The following EDARADD variants were observed in gnomAD, a reference collection of about 807,000 sequenced individuals.
The protein encoded by EDARADD is ectodysplasin-A receptor-associated adapter protein.
In EDARADD, 20 loss-of-function variants were observed where a neutral mutation model predicts 25.6. The observed-to-expected ratio is 0.78, with a 90% confidence interval of 0.55 to 1.14. EDARADD has a LOEUF of 1.14. Ranked by LOEUF, EDARADD falls within the 50% of genes most tolerant of loss-of-function variation. EDARADD has a pLI of 0.00. For missense variants in EDARADD, 225 were observed against 270.1 expected (o/e 0.83, Z 1.17); for synonymous variants, 86 against 94.4 (o/e 0.91, Z 0.52).
intron 1 of EDARADD, among the ~76,000 whole-genome samples, chr1:236,397,343 G>A (rs1013202383): frequency 4.6e-5 from 7 of 152,194 alleles, no homozygotes; most frequent in Non-Finnish European, 1.5e-5. Flanking sequence ...CCAGGAGGTC[G>A]AGGCTGCAGT....
intron 2 of EDARADD, among the ~76,000 whole-genome samples, chr1:236,350,322 T>G (rs1317750902): frequency 6.6e-6 from 1 of 152,184 alleles, no homozygotes; most frequent in African/African-American, 2.4e-5. Flanking sequence ...ACCCATGTGA[T>G]GAGAATTTAT....
intron 2 of EDARADD, among the ~76,000 whole-genome samples, chr1:236,350,334 G>T (rs1253632475): frequency 1.3e-5 from 2 of 152,180 alleles, no homozygotes; most frequent in African/African-American, 2.4e-5. Context: ...AGAATTTATG[G>T]TTTGTAGGGC....
chr1:236,465,340 G>A (rs68188176), intron 4 of EDARADD, among the ~76,000 whole-genome samples: 2 of 151,952 alleles, frequency 1.3e-5, no homozygotes, highest in East Asian at 3.9e-4. Flanking sequence ...CCTTGGACAG[G>A]CCCCAGTGTA....
chr1:236,484,708 G>GAAA lies in EDARADD; in HGVS notation c.*2076_*2078dup, dbSNP rs11358746. The GAAA allele has an allele frequency of 3.2e-4, 48 of 148,818 alleles. No individual in the cohort carries two copies. Among genetic ancestry groups the GAAA allele is most frequent in the East Asian group, 8.1e-4 (4 of 4,962 alleles). 9.2% of individuals were successfully genotyped at this position (148,818 alleles called of 1,614,324 possible). ...GGAGACAGAGTGAGAGTCCGTCCCA[G>GAAA]AAAAAAAAAAAAAAAAAAAGAACTT... On this transcript the variant is annotated 3_prime_UTR_variant, in exon 6 of 6. Transcript: ENST00000334232. This position sits in a 1 kb window ranked among gnomAD's most constrained non-coding sequence, Gnocchi z 4.1.
chr1:236,428,736 C>T (rs550679569), intron 4 of EDARADD, among the ~76,000 whole-genome samples: 4 of 148,554 alleles, frequency 2.7e-5, no homozygotes, highest in Non-Finnish European at 3.0e-5. Flanking sequence ...GACGGGGTGG[C>T]GGCCGGGCAG....
chr1:236,392,313 C>G (rs1041385765), upstream of EDARADD, among the ~76,000 whole-genome samples: 2 of 152,086 alleles, frequency 1.3e-5, no homozygotes, highest in Admixed American at 6.6e-5. Context: ...TACTATATGA[C>G]AGGCCTTAGT....
intron 4 of EDARADD, among the ~76,000 whole-genome samples, chr1:236,429,241 G>A (rs191794275): frequency 9.3e-4 from 131 of 141,128 alleles, no homozygotes; most frequent in African/African-American, 3.4e-3. Context: ...TTTTTTTTGA[G>A]GCAGTCTCAC....
At chr1:236,419,757 G>A (rs1409721806) in intron 3 of EDARADD, among the ~76,000 whole-genome samples, 1 of 152,162 alleles carries the variant, frequency 6.6e-6, no homozygotes, top group Non-Finnish European at 1.5e-5. Context: ...CACACTTTTA[G>A]CTTCAGTTTC....
intron 4 of EDARADD, among the ~76,000 whole-genome samples, chr1:236,437,532 A>T (rs1176571764): frequency 6.6e-6 from 1 of 152,102 alleles, no homozygotes; most frequent in African/African-American, 2.4e-5. Flanking sequence ...GGGCTATTGC[A>T]GTCACCTAGG....
chr1:236,439,033 A>G (rs890197276), intron 4 of EDARADD, among the ~76,000 whole-genome samples: 1 of 152,222 alleles, frequency 6.6e-6, no homozygotes, highest in Non-Finnish European at 1.5e-5. Flanking sequence ...TTTCTGACCA[A>G]CAACTGACCT....
intron 3 of EDARADD, among the ~76,000 whole-genome samples, chr1:236,382,638 C>T (rs564458317): frequency 6.6e-6 from 1 of 152,318 alleles, no homozygotes; most frequent in Non-Finnish European, 1.5e-5. Context: ...GAATTTGAAA[C>T]TTCCAGGTCT....
intron 4 of EDARADD, among the ~76,000 whole-genome samples, chr1:236,454,889 G>T (rs1658813038): frequency 6.6e-6 from 1 of 152,186 alleles, no homozygotes; most frequent in African/African-American, 2.4e-5. Context: ...AACAAAACTG[G>T]GAGATGGAAG....
chr1:236,458,641 CT>C (rs5781887), intron 4 of EDARADD, among the ~76,000 whole-genome samples: 13,979 of 113,316 alleles, frequency 0.12, 386 homozygotes, highest in Non-Finnish European at 0.14. Flanking sequence ...TTTTCTTTTT[CT>C]TTTTTTTTTT....
intron 4 of EDARADD, among the ~76,000 whole-genome samples, chr1:236,459,810 C>T (rs1225185566): frequency 1.3e-5 from 2 of 151,932 alleles, no homozygotes; most frequent in African/African-American, 4.8e-5. Context: ...GACGGGGTTT[C>T]ACCATGTTAG....
At chr1:236,474,936 C>T (rs1327146588) in intron 5 of EDARADD, among the ~76,000 whole-genome samples, 2 of 152,132 alleles carry the variant, frequency 1.3e-5, no homozygotes, top group South Asian at 2.1e-4. Context: ...CGTTGGAGAC[C>T]AGCCTGGCTA....
At chr1:236,411,915 C>T (rs1400542227) in intron 2 of EDARADD, among the ~76,000 whole-genome samples, 3 of 152,178 alleles carry the variant, frequency 2.0e-5, no homozygotes, top group Non-Finnish European at 4.4e-5. Context: ...CATAACTTAA[C>T]TAATTACCTC....
Position 236,395,451 on chromosome 1 carries a change from C to G in EDARADD, c.61+946C>G, listed in dbSNP as rs532876611. 11 of 1,479,836 alleles carry G rather than the reference C, an allele frequency of 7.4e-6. No individual in the cohort carries two copies. In the Admixed American group the frequency reaches 1.3e-4, roughly 17 times the overall value. 91.7% of individuals were successfully genotyped at this position (1,479,836 alleles called of 1,614,324 possible). A position where few individuals can be genotyped will look rare whatever the true frequency, so the allele number is the denominator to read the frequency against. On this transcript the variant is annotated intron_variant, in intron 1 of 5. Transcript: ENST00000334232. This position sits in a 1 kb window ranked among gnomAD's most constrained non-coding sequence, Gnocchi z 6.9. ...GCAGGAAGTGAGCTCGTGGAAGAAGCGAAGGAGGAGAAGAAGAAGGGAGGG... is the reference window on the plus strand; with the variant it reads ...GCAGGAAGTGAGCTCGTGGAAGAAGGGAAGGAGGAGAAGAAGAAGGGAGGG...
Position 236,484,480 on chromosome 1 carries a change from G to T in EDARADD, c.*1831G>T. ...CCCCCAGCCAAGTAAGCTGTGGGCA[G>T]GCAAGCCCTTCAGTCACCTGGTGGC... On this transcript the variant is annotated 3_prime_UTR_variant, in exon 6 of 6. Coordinates refer to ENST00000334232, the MANE Select transcript of EDARADD (RefSeq NM_145861.4). This position sits in a 1 kb window ranked among gnomAD's most constrained non-coding sequence, Gnocchi z 4.1. 1 of 1,605,100 alleles carries T rather than the reference G, an allele frequency of 6.2e-7. No homozygotes were observed. Among genetic ancestry groups the T allele is most frequent in the East Asian group, 2.2e-5 (1 of 44,816 alleles).
At chr1:236,471,741 C>T (rs1659365977) in intron 5 of EDARADD, among the ~76,000 whole-genome samples, 1 of 152,172 alleles carries the variant, frequency 6.6e-6, no homozygotes, top group Non-Finnish European at 1.5e-5. Context: ...TAACAGTCCT[C>T]TTGCAGCAGT....
Sources: allele counts gnomAD v4.1 joint callset (sites outside exome capture counted in the v4.1 genomes callset), GRCh38; gene constraint gnomAD v4.1.1; non-coding constraint Gnocchi (gnomAD v3.1); transcripts MANE v1.5; gene names NCBI Gene and HGNC (gene_info 2026-07-23, HGNC 2026-07-21).